OSBPL6: variants seen among roughly 807,000 people sequenced by gnomAD.
OSBPL6 encodes the protein oxysterol binding protein like 6.
OSBPL6 carries 49 observed loss-of-function variants against 125.8 expected under a neutral mutation model. The ratio of observed to expected loss-of-function variants is 0.39; its 90% CI spans 0.31 to 0.49. OSBPL6 has a LOEUF of 0.49. OSBPL6 is among the 20% of genes least tolerant of loss of function. OSBPL6 has a pLI of 0.88. For missense variants in OSBPL6, 986 were observed against 1,135.4 expected (o/e 0.87, Z 1.89); for synonymous variants, 394 against 391.8 (o/e 1.01, Z -0.07).
chr2:178,272,417 G>A (rs1392876265), intron 1 of OSBPL6, among the ~76,000 whole-genome samples: 2 of 152,092 alleles, frequency 1.3e-5, no homozygotes, highest in East Asian at 1.9e-4. Context: ...CACTGTATAC[G>A]CAGATCTTGA....
At position 178,361,671 on chromosome 2, in the gene OSBPL6, T is replaced by C; in HGVS notation, c.1154-11T>C. The C allele has an allele frequency of 6.2e-7, 1 of 1,613,126 alleles. No homozygotes were observed. The highest frequency in any genetic ancestry group is 8.5e-7 in the Non-Finnish European group (1 of 1,179,422). On this transcript the variant is annotated splice_polypyrimidine_tract_variant and intron_variant, in intron 12 of 24. Transcript: ENST00000190611. ...ATCTGACAGTTTTTTCTCACTTTTC[T>C]CCCCACCCAGTGCATTCTCTTTTGA...
At chr2:178,268,985 A>G (rs1248767640) in intron 1 of OSBPL6, among the ~76,000 whole-genome samples, 2 of 152,054 alleles carry the variant, frequency 1.3e-5, no homozygotes, top group Non-Finnish European at 2.9e-5. Flanking sequence ...CTGAGCTTCA[A>G]TCTGCAACTT....
At chr2:178,335,120 C>T (rs1689562136) in intron 8 of OSBPL6, among the ~76,000 whole-genome samples, 1 of 152,108 alleles carries the variant, frequency 6.6e-6, no homozygotes, top group Non-Finnish European at 1.5e-5. Flanking sequence ...TTTTTAATTA[C>T]TTGGTTCATC....
At chr2:178,394,108 A>T (rs1200707088) in intron 23 of OSBPL6, among the ~76,000 whole-genome samples, 2 of 152,204 alleles carry the variant, frequency 1.3e-5, no homozygotes, top group East Asian at 3.9e-4. Flanking sequence ...ATGTACATAG[A>T]AAATATGTAA....
intron 2 of OSBPL6, among the ~76,000 whole-genome samples, chr2:178,285,420 G>A (rs1216277279): frequency 6.6e-6 from 1 of 151,984 alleles, no homozygotes; most frequent in Non-Finnish European, 1.5e-5. Flanking sequence ...AGCAATGAAC[G>A]TGCAGACCTA....
chr2:178,371,834 A>G (rs1319661003), intron 13 of OSBPL6, among the ~76,000 whole-genome samples: 2 of 152,212 alleles, frequency 1.3e-5, no homozygotes, highest in Non-Finnish European at 2.9e-5. Context: ...GGGCTTGAGT[A>G]TAATGGGACT....
Position 178,336,415 on chromosome 2 carries a change from A to G in OSBPL6, c.772A>G (p.Met258Val). The G allele has an allele frequency of 1.2e-6, 2 of 1,614,026 alleles. No homozygotes were observed. The highest frequency in any genetic ancestry group is 2.2e-5 in the South Asian group (2 of 91,064). Residue 258 changes from methionine (M) to valine (V), a missense_variant, in exon 9 of 25, where the codon ATG becomes GTG. By Grantham distance (21) the Met-to-Val change is conservative. This residue lies in a region of OSBPL6 where 843 missense variants were observed against 997.3 expected (regional missense o/e 0.85). Coordinates refer to ENST00000190611, the MANE Select transcript of OSBPL6 (RefSeq NM_032523.4). Reference sequence around the variant, plus strand: ...AGCCTGGTTACAGGACTCGGAAGAGATGGACAGGTGTGCAGAAGGTTAGTT... The same window carrying G: ...AGCCTGGTTACAGGACTCGGAAGAGGTGGACAGGTGTGCAGAAGGTTAGTT... ...VAAWLQDSEE[M>V]DRCAEDLAHC...
Position 178,222,601 on chromosome 2 carries a change from C to G in OSBPL6, c.-351+27927C>G, listed in dbSNP as rs575458771. 2.0e-5 allele frequency among the ~76,000 whole-genome samples: 3 copies of G among 152,298 alleles called. No individual in the cohort carries two copies. In the South Asian group the frequency reaches 6.2e-4, roughly 32 times the overall value. On this transcript the variant is annotated intron_variant, in intron 1 of 24. Coordinates refer to ENST00000190611, the MANE Select transcript of OSBPL6 (RefSeq NM_032523.4). The stretch of plus-strand genomic sequence containing the variant: ...GAGCTTGCAGTGAGCAGAGATCTAT[C>G]TCGCCATTGCACTCCAGCCTGGGTG...
At chr2:178,223,684 G>T (rs1045617007) in intron 1 of OSBPL6, among the ~76,000 whole-genome samples, 2 of 152,122 alleles carry the variant, frequency 1.3e-5, no homozygotes, top group Non-Finnish European at 2.9e-5. Context: ...ATTCCATTTG[G>T]TTGGGTTTTA....
At chr2:178,199,165 C>T (rs1489761582) in intron 1 of OSBPL6, among the ~76,000 whole-genome samples, 5 of 151,994 alleles carry the variant, frequency 3.3e-5, no homozygotes, top group African/African-American at 1.2e-4. Flanking sequence ...ATTATTAATC[C>T]CTATGTGTGA....
chr2:178,228,337 C>T (rs1044545611), intron 1 of OSBPL6, among the ~76,000 whole-genome samples: 2 of 152,152 alleles, frequency 1.3e-5, no homozygotes, highest in South Asian at 4.1e-4. Context: ...AGATCGAGAC[C>T]ATCCTGGCTA....
chr2:178,390,096 G>T (rs1695271465), intron 21 of OSBPL6, among the ~76,000 whole-genome samples: 1 of 152,194 alleles, frequency 6.6e-6, no homozygotes, highest in Admixed American at 6.5e-5. Context: ...ATGAGAAGCT[G>T]CAGTGCAGTC....
Position 178,392,516 on chromosome 2 carries a change from G to T in OSBPL6, c.2551G>T (p.Ala851Ser), listed in dbSNP as rs750401056. The change falls in exon 23 of 25, where the codon GCC (alanine) becomes TCC (serine). Residue 851 changes from alanine (A) to serine (S), a missense_variant. By Grantham distance (99) the Ala-to-Ser change is moderately conservative. Coordinates refer to ENST00000190611, the MANE Select transcript of OSBPL6 (RefSeq NM_032523.4). ...VLKDLLPPTDARFRPDQRFLE... is the reference protein window; with the variant it reads ...VLKDLLPPTDSRFRPDQRFLE... ...AAAAGATCTCCTTCCACCAACAGAC[G>T]CCCGGTTCCGGCCAGATCAAAGGTG... The T allele has an allele frequency of 9.9e-6, 16 of 1,613,816 alleles. No individual in the cohort carries two copies. Among genetic ancestry groups the T allele is most frequent in the Admixed American group, 1.7e-5 (1 of 59,950 alleles).
intron 13 of OSBPL6, among the ~76,000 whole-genome samples, chr2:178,370,063 G>T (rs963992825): frequency 1.3e-5 from 2 of 152,162 alleles, no homozygotes; most frequent in African/African-American, 2.4e-5. Flanking sequence ...TCAGGAGTTT[G>T]AGACCAGCCT....
At chr2:178,201,873 T>C (rs1278917300) in intron 1 of OSBPL6, among the ~76,000 whole-genome samples, 1 of 152,234 alleles carries the variant, frequency 6.6e-6, no homozygotes, top group Non-Finnish European at 1.5e-5. Flanking sequence ...CATTCTTACA[T>C]GTGCTTGTTA....
chr2:178,195,765 C>T (rs943049863), intron 1 of OSBPL6, among the ~76,000 whole-genome samples: 1 of 152,010 alleles, frequency 6.6e-6, no homozygotes. Flanking sequence ...TTTTAAATTG[C>T]TGGGCTAAGT....
intron 1 of OSBPL6, among the ~76,000 whole-genome samples, chr2:178,245,147 A>G (rs1349912463): frequency 6.6e-6 from 1 of 152,214 alleles, no homozygotes; most frequent in African/African-American, 2.4e-5. Flanking sequence ...TCAGAGCTGT[A>G]TGAGGAATGC....
At chr2:178,339,198 T>A in intron 10 of OSBPL6, 104 bp downstream of exon 10, 1 of 592,702 alleles carries the variant, frequency 1.7e-6, no homozygotes, top group Non-Finnish European at 2.8e-6. Flanking sequence ...GATAAATAAC[T>A]GCAATACAGA....
chr2:178,388,830 T>A (rs1218345080), intron 20 of OSBPL6, among the ~76,000 whole-genome samples, 179 bp from the exon 21 acceptor site: 1 of 152,232 alleles, frequency 6.6e-6, no homozygotes, highest in African/African-American at 2.4e-5. Flanking sequence ...ACTTAAATGT[T>A]CCTTAAGTGA....
Sources: gnomAD v4.1 joint callset for allele counts (sites outside exome capture counted in the v4.1 genomes callset) on GRCh38, gnomAD v4.1.1 for gene constraint, gnomAD v4.1.1 regional missense constraint, MANE v1.5 for transcripts, NCBI Gene and HGNC (gene_info 2026-07-23, HGNC 2026-07-21) for gene names.